The following CHCHD6 variants were observed in gnomAD, a reference collection of about 807,000 sequenced individuals.
CHCHD6 encodes the protein coiled-coil-helix-coiled-coil-helix domain containing 6.
A neutral mutation model predicts 32.3 loss-of-function variants in CHCHD6; 28 were observed. That is an observed-to-expected ratio of 0.87 (90% confidence interval 0.64 to 1.19). The LOEUF (loss-of-function observed/expected upper bound fraction) is 1.19. CHCHD6 is among the 50% of genes most tolerant of loss of function. CHCHD6 has a pLI of 0.00. For synonymous variants in CHCHD6, 122 were observed against 117.5 expected (o/e 1.04, Z -0.25); for missense variants, 333 against 307.0 (o/e 1.08, Z -0.63).
intron 6 of CHCHD6, among the ~76,000 whole-genome samples, chr3:126,945,304 T>TG (rs1311948216): frequency 2.6e-5 from 4 of 151,790 alleles, no homozygotes; most frequent in South Asian, 2.1e-4. Context: ...GGCAGGCCTG[T>TG]GGGGGGCGCC....
At chr3:126,925,968 A>G (rs115233956) in intron 6 of CHCHD6, among the ~76,000 whole-genome samples, 1,811 of 152,244 alleles carry the variant, frequency 0.012, 19 homozygotes, top group Middle Eastern at 0.048. Context: ...GCCAGAGAGG[A>G]TATATAACAA....
chr3:126,933,352 G>A (rs544153344), intron 6 of CHCHD6, among the ~76,000 whole-genome samples: 1 of 152,246 alleles, frequency 6.6e-6, no homozygotes, highest in South Asian at 2.1e-4. Context: ...GCTTTTGGTG[G>A]CAAGTTAAAT....
At chr3:126,803,786 A>T (rs994653956) in intron 4 of CHCHD6, among the ~76,000 whole-genome samples, 7 of 152,192 alleles carry the variant, frequency 4.6e-5, no homozygotes, top group African/African-American at 1.7e-4. Flanking sequence ...CACCACACCT[A>T]TTCCAAAATT....
intron 5 of CHCHD6, among the ~76,000 whole-genome samples, chr3:126,898,211 T>C (rs964685762): frequency 1.3e-5 from 2 of 152,122 alleles, no homozygotes; most frequent in Non-Finnish European, 2.9e-5. Context: ...GGGAACGAGG[T>C]CCCCCTGCTC....
intron 5 of CHCHD6, among the ~76,000 whole-genome samples, chr3:126,864,157 T>A (rs1942132607): frequency 7.6e-6 from 1 of 131,320 alleles, no homozygotes; most frequent in African/African-American, 2.9e-5. Flanking sequence ...TACCATCACC[T>A]TCTCCACCAT....
At chr3:126,736,067 C>A (rs1242370649) in intron 4 of CHCHD6, among the ~76,000 whole-genome samples, 1 of 152,172 alleles carries the variant, frequency 6.6e-6, no homozygotes, top group African/African-American at 2.4e-5. Context: ...AGAAGGGGGG[C>A]TCCCTTTGGG....
chr3:126,912,860 T>C (rs1190301811), intron 5 of CHCHD6, among the ~76,000 whole-genome samples: 1 of 152,234 alleles, frequency 6.6e-6, no homozygotes, highest in African/African-American at 2.4e-5. Context: ...CTGCCTTCCA[T>C]GCCCTATGGC....
chr3:126,827,058 A>T (rs1221394649), intron 4 of CHCHD6, among the ~76,000 whole-genome samples: 3 of 152,204 alleles, frequency 2.0e-5, no homozygotes, highest in Non-Finnish European at 1.5e-5. Flanking sequence ...ATGGTGTGCC[A>T]GGAGGTGAGA....
At chr3:126,725,640 T>C (rs1343163691) in intron 1 of CHCHD6, among the ~76,000 whole-genome samples, 1 of 152,244 alleles carries the variant, frequency 6.6e-6, no homozygotes, top group Non-Finnish European at 1.5e-5. Context: ...AAGTCTTAGA[T>C]GGCATCTTTT....
chr3:126,862,612 TCCC>T (rs1424292432), intron 5 of CHCHD6, among the ~76,000 whole-genome samples: 2 of 52,852 alleles, frequency 3.8e-5, no homozygotes, highest in Non-Finnish European at 3.7e-5. Flanking sequence ...CATCACCACC[TCCC>T]CCTCCTCCAC....
At chr3:126,842,261 A>C (rs894940550) in intron 4 of CHCHD6, among the ~76,000 whole-genome samples, 2 of 152,142 alleles carry the variant, frequency 1.3e-5, no homozygotes, top group Non-Finnish European at 2.9e-5. Context: ...GAACTGTTTA[A>C]CCCTGGGCCC....
intron 4 of CHCHD6, among the ~76,000 whole-genome samples, chr3:126,845,023 A>C (rs764949495): frequency 3.3e-5 from 5 of 152,216 alleles, no homozygotes; most frequent in Non-Finnish European, 5.9e-5. Flanking sequence ...ATTGTAGTCA[A>C]ATAAGACCTG....
chr3:126,822,495 G>A (rs1304159663), intron 4 of CHCHD6, among the ~76,000 whole-genome samples: 1 of 152,200 alleles, frequency 6.6e-6, no homozygotes, highest in Non-Finnish European at 1.5e-5. Flanking sequence ...TTGAAATCAA[G>A]AGATGTGAGT....
chr3:126,923,319 G>A (rs1369876799), intron 6 of CHCHD6, among the ~76,000 whole-genome samples: 1 of 152,084 alleles, frequency 6.6e-6, no homozygotes, highest in Non-Finnish European at 1.5e-5. Context: ...AAATTGCTCT[G>A]TTTAAAATTT....
At chr3:126,740,655 C>T (rs1301584586) in intron 4 of CHCHD6, among the ~76,000 whole-genome samples, 1 of 152,214 alleles carries the variant, frequency 6.6e-6, no homozygotes, top group Non-Finnish European at 1.5e-5. Flanking sequence ...ATCTGCCCAT[C>T]TGCATGCCCC....
At chr3:126,835,478 G>A (rs1370455746) in intron 4 of CHCHD6, among the ~76,000 whole-genome samples, 1 of 152,186 alleles carries the variant, frequency 6.6e-6, no homozygotes, top group Non-Finnish European at 1.5e-5. Context: ...CATCAGAGTG[G>A]GGCTGGGAGG....
chr3:126,914,747 T>A lies in CHCHD6; in HGVS notation c.563T>A (p.Ile188Lys). 6.4e-7 allele frequency: 1 copy of A among 1,552,138 alleles called. No homozygotes were observed. The highest frequency in any genetic ancestry group is 8.9e-7 in the Non-Finnish European group (1 of 1,123,334). The change falls in exon 6 of 8, where the codon ATA becomes AAA. Residue 188 changes from isoleucine to lysine, a missense_variant. Transcript: ENST00000290913. ...HEAASKMEST[I>K]KPRRVEPVCS... The stretch of plus-strand genomic sequence containing the variant: ...GCAGCCTCAAAGATGGAGAGCACAA[T>A]AAAGTAAGAATTTGTTTATTATTCT...
chr3:126,748,250 TA>T (rs947693521), intron 4 of CHCHD6, among the ~76,000 whole-genome samples: 2 of 152,154 alleles, frequency 1.3e-5, no homozygotes, highest in African/African-American at 2.4e-5. Context: ...ATCACAGTGG[TA>T]GTCATAATCT....
chr3:126,777,957 A>G (rs907833535), intron 4 of CHCHD6, among the ~76,000 whole-genome samples: 4 of 152,202 alleles, frequency 2.6e-5, no homozygotes, highest in African/African-American at 4.8e-5. Flanking sequence ...GTCCCAGGCA[A>G]CATCTAATCA....
Sources: gnomAD v4.1 joint callset for allele counts (sites outside exome capture counted in the v4.1 genomes callset) on GRCh38, gnomAD v4.1.1 for gene constraint, MANE v1.5 for transcripts, NCBI Gene and HGNC (gene_info 2026-07-23, HGNC 2026-07-21) for gene names.